Variants in MACROD2 observed in about 807,000 individuals in gnomAD.
The protein encoded by MACROD2 is ADP-ribose glycohydrolase MACROD2.
A neutral mutation model predicts 70.4 loss-of-function variants in MACROD2; 36 were observed. That is an observed-to-expected ratio of 0.51 (90% confidence interval 0.39 to 0.68). The LOEUF is 0.68. Among genes scored for constraint, MACROD2 ranks in the 30% least tolerant of loss-of-function variants. The pLI is 0.00. For missense variants in MACROD2, 496 were observed against 538.4 expected (o/e 0.92, Z 0.78); for synonymous variants, 172 against 178.8 (o/e 0.96, Z 0.30).
At chr20:14,830,710 A>G (rs1359580752) in intron 5 of MACROD2, among the ~76,000 whole-genome samples, 1 of 152,188 alleles carries the variant, frequency 6.6e-6, no homozygotes, top group Non-Finnish European at 1.5e-5. Flanking sequence ...ATTACTAGGC[A>G]GATGCATATC....
chr20:15,269,918 T>A (rs559827783), intron 6 of MACROD2, among the ~76,000 whole-genome samples: 216 of 152,316 alleles, frequency 1.4e-3, no homozygotes, highest in African/African-American at 4.8e-3. Context: ...AGGCCCCCTG[T>A]AGGATAATAA....
intron 3 of MACROD2, among the ~76,000 whole-genome samples, chr20:14,425,639 C>A (rs2083924645): frequency 6.6e-6 from 1 of 152,148 alleles, no homozygotes; most frequent in Non-Finnish European, 1.5e-5. Context: ...TTTTGTCTTT[C>A]TGAAGAGGAT....
intron 3 of MACROD2, 80 bp from the exon 4 acceptor site, chr20:14,493,399 C>A: frequency 1.6e-6 from 2 of 1,220,256 alleles, no homozygotes; most frequent in Non-Finnish European, 2.4e-6. Context: ...TCATTATTAG[C>A]TTTATCTTGA....
chr20:15,122,336 G>A (rs1002008450), intron 5 of MACROD2, among the ~76,000 whole-genome samples: 1 of 152,172 alleles, frequency 6.6e-6, no homozygotes, highest in East Asian at 1.9e-4. Context: ...AGTGAGGGAT[G>A]AGCCTGAGTG....
chr20:15,091,311 T>C (rs2075791027), intron 5 of MACROD2, among the ~76,000 whole-genome samples: 1 of 151,488 alleles, frequency 6.6e-6, no homozygotes, highest in South Asian at 2.1e-4. Flanking sequence ...TGGGGATATG[T>C]ATACAAAAAG....
At chr20:15,450,462 A>G (rs1360098660) in intron 7 of MACROD2, among the ~76,000 whole-genome samples, 1 of 152,012 alleles carries the variant, frequency 6.6e-6, no homozygotes, top group Admixed American at 6.6e-5. Flanking sequence ...TTATTTATAG[A>G]GATATATATT....
chr20:14,905,050 C>A (rs1419038396), intron 5 of MACROD2: 2 of 152,084 alleles, frequency 1.3e-5, no homozygotes, highest in African/African-American at 4.8e-5. Flanking sequence ...ATTACTAAAG[C>A]AGCTTTATTG....
intron 8 of MACROD2, among the ~76,000 whole-genome samples, chr20:15,703,878 C>G (rs1190139850): frequency 6.6e-6 from 1 of 152,160 alleles, no homozygotes; most frequent in Non-Finnish European, 1.5e-5. Context: ...AAACATAAGC[C>G]ACGATGTCTT....
At position 14,700,522 on chromosome 20, in the gene MACROD2, GGTGTGTGTGT is replaced by G. The variant is rs149689043; in HGVS notation, c.418+15590_418+15599del. The stretch of plus-strand genomic sequence containing the variant: ...TTCTTTGACAGTTAAGACATATGGT[GGTGTGTGTGT>G]GTGTGTGTGTGTGTGTGTGTGTGTG... On this transcript the variant is annotated intron_variant, in intron 5 of 17. Coordinates refer to ENST00000684519, the MANE Select transcript of MACROD2 (RefSeq NM_001351661.2). Among the ~76,000 whole-genome samples, 19 of 111,460 alleles carry G rather than the reference GGTGTGTGTGT, an allele frequency of 1.7e-4. 1 individual carries two copies. The highest frequency in any genetic ancestry group is 5.6e-4 in the South Asian group (2 of 3,544). 73.1% of individuals were successfully genotyped at this position (111,460 alleles called of 152,430 possible).
intron 5 of MACROD2, among the ~76,000 whole-genome samples, chr20:14,717,046 G>C (rs1380933875): frequency 6.6e-6 from 1 of 151,956 alleles, no homozygotes; most frequent in Non-Finnish European, 1.5e-5. Flanking sequence ...AAATTTGGGG[G>C]TATTGAACCT....
chr20:14,435,253 G>T (rs139077076), intron 3 of MACROD2, among the ~76,000 whole-genome samples: 4 of 152,146 alleles, frequency 2.6e-5, no homozygotes, highest in Non-Finnish European at 4.4e-5. Context: ...CTCTGTCTGC[G>T]TGTGTCACTC....
chr20:16,043,015 T>G (rs2067328259), intron 16 of MACROD2, among the ~76,000 whole-genome samples: 1 of 152,000 alleles, frequency 6.6e-6, no homozygotes, highest in Admixed American at 6.6e-5. Context: ...TGCAAATAAA[T>G]GAAAACTGCC....
intron 8 of MACROD2, among the ~76,000 whole-genome samples, chr20:15,532,887 T>C (rs937253193): frequency 6.6e-6 from 1 of 152,172 alleles, no homozygotes; most frequent in African/African-American, 2.4e-5. Context: ...AAGATTGATA[T>C]CTGAGGTCAT....
intron 9 of MACROD2, among the ~76,000 whole-genome samples, chr20:15,883,358 C>T (rs574355951): frequency 2.0e-5 from 3 of 152,086 alleles, no homozygotes; most frequent in East Asian, 1.9e-4. Context: ...TACTTTGTAA[C>T]ATTTTGGTAA....
intron 3 of MACROD2, among the ~76,000 whole-genome samples, chr20:14,385,495 A>G (rs1382625118): frequency 6.6e-6 from 1 of 152,186 alleles, no homozygotes; most frequent in Non-Finnish European, 1.5e-5. Context: ...ATGCTTAGTA[A>G]CATAACCCTT....
At chr20:15,383,565 T>C (rs760131611) in intron 6 of MACROD2, among the ~76,000 whole-genome samples, 1 of 152,224 alleles carries the variant, frequency 6.6e-6, no homozygotes, top group Non-Finnish European at 1.5e-5. Flanking sequence ...TTAAGGGACA[T>C]AGTGGATGAG....
intron 6 of MACROD2, among the ~76,000 whole-genome samples, chr20:15,415,481 G>A (rs922793769): frequency 6.6e-6 from 1 of 152,188 alleles, no homozygotes; most frequent in Admixed American, 6.5e-5. Flanking sequence ...GAGAGGAAAA[G>A]TGATGGGCAG....
intron 8 of MACROD2, among the ~76,000 whole-genome samples, chr20:15,780,365 G>A (rs1268427011): frequency 1.3e-5 from 2 of 152,128 alleles, no homozygotes; most frequent in African/African-American, 2.4e-5. Flanking sequence ...GTTAAGCTGA[G>A]TCCTGAAGGA....
chr20:14,784,477 T>A (rs1364623039), intron 5 of MACROD2, among the ~76,000 whole-genome samples: 1 of 152,056 alleles, frequency 6.6e-6, no homozygotes, highest in Non-Finnish European at 1.5e-5. Flanking sequence ...AATCTGACCT[T>A]TTATTAAGTC....
Sources: gnomAD v4.1 joint callset for allele counts (sites outside exome capture counted in the v4.1 genomes callset) on GRCh38, gnomAD v4.1.1 for gene constraint, MANE v1.5 for transcripts, NCBI Gene and HGNC (gene_info 2026-07-23, HGNC 2026-07-21) for gene names.